Variants in FANK1 observed in about 807,000 individuals in gnomAD.
FANK1 encodes fibronectin type III and ankyrin repeat domains 1, also known as fibronectin type 3 and ankyrin repeat domains protein 1.
Under a neutral mutation model 45.3 loss-of-function variants are expected in FANK1, and 44 were observed. The observed-to-expected ratio is 0.97, with a 90% CI of 0.76 to 1.25. The LOEUF (loss-of-function observed/expected upper bound fraction) is 1.25, where lower values mean the gene tolerates loss of function less well. Ranked by LOEUF, FANK1 falls within the 50% of genes most tolerant of loss-of-function variation. The pLI, the probability that FANK1 is intolerant of heterozygous loss-of-function variation, is 0.00. For missense variants in FANK1, 391 were observed against 424.4 expected (o/e 0.92, Z 0.69); for synonymous variants, 149 against 152.5 (o/e 0.98, Z 0.17).
chr10:125,916,396 T>C (rs1416763983), intron 1 of FANK1, among the ~76,000 whole-genome samples: 3 of 151,934 alleles, frequency 2.0e-5, no homozygotes, highest in Non-Finnish European at 4.4e-5. Flanking sequence ...CACATAGGTT[T>C]ATGAAGAAGG....
chr10:125,997,740 C>G (rs1050320977), intron 6 of FANK1, among the ~76,000 whole-genome samples: 16 of 152,190 alleles, frequency 1.1e-4, no homozygotes, highest in Admixed American at 1.0e-3. Context: ...GTCCCTGTGC[C>G]CAGTGGACAC....
At chr10:125,948,008 A>G (rs1453322269) in intron 1 of FANK1, among the ~76,000 whole-genome samples, 2 of 150,440 alleles carry the variant, frequency 1.3e-5, no homozygotes, top group African/African-American at 2.4e-5. Flanking sequence ...CTGCTCCTGA[A>G]TGACTACTGG....
intron 1 of FANK1, among the ~76,000 whole-genome samples, chr10:125,897,208 G>A (rs1944616497): frequency 6.6e-6 from 1 of 151,786 alleles, no homozygotes; most frequent in Non-Finnish European, 1.5e-5. Context: ...ATTCTTAGGG[G>A]TTCTACAAGT....
chr10:125,927,617 T>A (rs1402164104), intron 1 of FANK1, among the ~76,000 whole-genome samples: 1 of 151,964 alleles, frequency 6.6e-6, no homozygotes, highest in Non-Finnish European at 1.5e-5. Flanking sequence ...TGGCGCAATC[T>A]CAGCTCACTG....
chr10:125,914,808 AG>A (rs1663789184), intron 1 of FANK1, among the ~76,000 whole-genome samples: 1 of 152,096 alleles, frequency 6.6e-6, no homozygotes, highest in Non-Finnish European at 1.5e-5. Context: ...TCACCGTAGA[AG>A]GGGAGGAGGG....
intron 1 of FANK1, among the ~76,000 whole-genome samples, chr10:125,962,800 C>T (rs1950001652): frequency 6.6e-6 from 1 of 151,698 alleles, no homozygotes; most frequent in Admixed American, 6.6e-5. Flanking sequence ...ATTTCGTTTC[C>T]TTGCATATTG....
intron 4 of FANK1, 115 bp from the exon 5 acceptor site, chr10:125,996,435 G>T: frequency 1.2e-6 from 1 of 837,484 alleles, no homozygotes; most frequent in Non-Finnish European, 1.9e-6. Context: ...CAAAGAAATT[G>T]GAATTTTCAG....
Position 125,907,276 on chromosome 10 carries a change from G to T in FANK1, c.13+10621G>T, listed in dbSNP as rs184416854. On this transcript the variant is annotated intron_variant, in intron 1 of 10. Transcript: ENST00000368693. ...CTCTTCACTCCTTATATTCTAACTTGTGCCTAATTAGTTAGGCACAACTCT... is the reference window on the plus strand; with the variant it reads ...CTCTTCACTCCTTATATTCTAACTTTTGCCTAATTAGTTAGGCACAACTCT... Among the ~76,000 whole-genome samples the T allele has an allele frequency of 3.3e-5, 5 of 152,166 alleles. No individual in the cohort carries two copies. In the East Asian group the frequency reaches 9.6e-4, roughly 29 times the overall value.
chr10:125,933,296 C>A (rs937027554), intron 1 of FANK1, among the ~76,000 whole-genome samples: 2 of 151,844 alleles, frequency 1.3e-5, no homozygotes, highest in African/African-American at 4.8e-5. Flanking sequence ...TTTAAATTAC[C>A]ATTTCAATCT....
intron 1 of FANK1, among the ~76,000 whole-genome samples, chr10:125,918,585 AAT>A (rs1197525883): frequency 0.069 from 4,866 of 70,514 alleles, 513 homozygotes; most frequent in Middle Eastern, 0.11. Context: ...AAAAAAAAAA[AAT>A]ATATATATAT....
chr10:125,897,870 A>G (rs900980878), intron 1 of FANK1, among the ~76,000 whole-genome samples: 5 of 151,920 alleles, frequency 3.3e-5, no homozygotes, highest in African/African-American at 1.2e-4. Flanking sequence ...TAAAAACAGC[A>G]ACTTGGCCTG....
intron 1 of FANK1, among the ~76,000 whole-genome samples, chr10:125,932,625 T>G (rs1482231304): frequency 2.0e-5 from 3 of 152,158 alleles, no homozygotes; most frequent in African/African-American, 7.2e-5. Context: ...GAGGAGCCTT[T>G]AGGGTTTTCA....
At chr10:125,902,436 C>G (rs1371910763) in intron 1 of FANK1, among the ~76,000 whole-genome samples, 3 of 152,178 alleles carry the variant, frequency 2.0e-5, no homozygotes, top group African/African-American at 7.2e-5. Context: ...TACCTACTTT[C>G]ATTTCCTTAA....
chr10:125,981,618 A>G (rs1344733964), intron 2 of FANK1, among the ~76,000 whole-genome samples: 1 of 152,168 alleles, frequency 6.6e-6, no homozygotes, highest in Non-Finnish European at 1.5e-5. Context: ...GTGATTCAGG[A>G]ATACCAAAAA....
intron 1 of FANK1, among the ~76,000 whole-genome samples, chr10:125,963,192 C>T (rs1399687500): frequency 6.6e-6 from 1 of 152,134 alleles, no homozygotes; most frequent in Non-Finnish European, 1.5e-5. Flanking sequence ...CCATGTTGGC[C>T]AGGCTGGTCT....
At position 125,914,684 on chromosome 10, in the gene FANK1, C is replaced by T. The variant is rs192425158; in HGVS notation, c.13+18029C>T. On this transcript the variant is annotated intron_variant, in intron 1 of 10. Transcript: ENST00000368693. ...CTTTTAATATCAAATCTTCCTCATC[C>T]CCCCAACTCCAGAAAACTAGTTTTT... Among the ~76,000 whole-genome samples, 1,077 of 152,194 alleles carry T rather than the reference C, an allele frequency of 7.1e-3. 6 individuals carry two copies. The highest frequency in any genetic ancestry group is 0.012 in the Non-Finnish European group (832 of 68,014).
At chr10:126,002,571 T>C (rs1952847966) in intron 6 of FANK1, among the ~76,000 whole-genome samples, 1 of 152,130 alleles carries the variant, frequency 6.6e-6, no homozygotes, top group African/African-American at 2.4e-5. Flanking sequence ...TGCCTTGCCT[T>C]GGGGGCTGGA....
intron 1 of FANK1, among the ~76,000 whole-genome samples, chr10:125,925,788 A>G (rs527967877): frequency 6.7e-6 from 1 of 149,406 alleles, no homozygotes; most frequent in South Asian, 2.1e-4. Flanking sequence ...AGATTTTAAC[A>G]ATTTATCCAT....
At chr10:125,951,161 T>C (rs1949194772) in intron 1 of FANK1, among the ~76,000 whole-genome samples, 1 of 148,332 alleles carries the variant, frequency 6.7e-6, no homozygotes, top group Non-Finnish European at 1.5e-5. Flanking sequence ...AGTTAGTGGG[T>C]GCAGCGCACC....
Sources: allele counts gnomAD v4.1 joint callset (sites outside exome capture counted in the v4.1 genomes callset), GRCh38; gene constraint gnomAD v4.1.1; transcripts MANE v1.5; gene names NCBI Gene and HGNC (gene_info 2026-07-23, HGNC 2026-07-21).